Variants in NRXN3 observed in about 807,000 individuals in gnomAD.
NRXN3 encodes neurexin 3.
A neutral mutation model predicts 137.6 loss-of-function variants in NRXN3; 32 were observed. That is an observed-to-expected ratio of 0.23 (90% CI 0.18 to 0.31). NRXN3 has a LOEUF of 0.31. Ranked by LOEUF, NRXN3 falls within the 10% of genes least tolerant of loss-of-function variation. The pLI is 1.00. For missense variants in NRXN3, 1,574 were observed against 2,062.5 expected (o/e 0.76, Z 4.59); for synonymous variants, 798 against 784.5 (o/e 1.02, Z -0.29).
chr14:79,682,089 T>C (rs2154014191), intron 17 of NRXN3, among the ~76,000 whole-genome samples: 1 of 152,322 alleles, frequency 6.6e-6, no homozygotes, highest in Admixed American at 6.5e-5. Flanking sequence ...AATATTTTAT[T>C]TTCCTTTGCT....
intron 17 of NRXN3, among the ~76,000 whole-genome samples, chr14:79,670,001 G>A (rs951165264): frequency 6.6e-6 from 1 of 151,976 alleles, no homozygotes; most frequent in African/African-American, 2.4e-5. Context: ...TGTGGTAGCC[G>A]CCAACCATAT....
chr14:78,395,145 A>C (rs1245313970), intron 4 of NRXN3, among the ~76,000 whole-genome samples: 1 of 151,624 alleles, frequency 6.6e-6, no homozygotes, highest in Non-Finnish European at 1.5e-5. Flanking sequence ...TTAGATTATA[A>C]ATTTGACTTC....
chr14:78,998,109 GA>G (rs1448799154), intron 15 of NRXN3, among the ~76,000 whole-genome samples: 1 of 152,174 alleles, frequency 6.6e-6, no homozygotes, highest in East Asian at 1.9e-4. Flanking sequence ...CTCTATTTCA[GA>G]AACCACTGCT....
At chr14:78,263,703 G>T (rs774506190) in intron 2 of NRXN3, among the ~76,000 whole-genome samples, 4 of 151,958 alleles carry the variant, frequency 2.6e-5, no homozygotes, top group African/African-American at 9.7e-5. Context: ...TTACCGACAC[G>T]GCTTCTACTA....
intron 10 of NRXN3, among the ~76,000 whole-genome samples, chr14:78,906,811 T>A (rs772993352): frequency 2.6e-5 from 4 of 151,934 alleles, no homozygotes; most frequent in Non-Finnish European, 4.4e-5. Flanking sequence ...GGCTTACATA[T>A]AGCCATATGA....
chr14:78,917,052 T>C (rs2099257127), intron 10 of NRXN3, among the ~76,000 whole-genome samples: 1 of 152,182 alleles, frequency 6.6e-6, no homozygotes, highest in African/African-American at 2.4e-5. Context: ...TCTTCAAATA[T>C]GGTAAGCCTC....
intron 3 of NRXN3, among the ~76,000 whole-genome samples, chr14:78,279,886 G>A (rs540606085): frequency 4.8e-4 from 73 of 152,104 alleles, no homozygotes; most frequent in Non-Finnish European, 8.7e-4. Flanking sequence ...ACTTAAGTAG[G>A]GTTCTTCTGA....
intron 20 of NRXN3, among the ~76,000 whole-genome samples, chr14:79,834,155 C>T (rs549459638): frequency 3.3e-5 from 5 of 152,234 alleles, no homozygotes; most frequent in African/African-American, 7.2e-5. Context: ...ACAGGTCCCA[C>T]GGCTACCAAT....
rs541012777 is a variant in NRXN3, at chr14:78,727,742, A to G, written c.2044+12603A>G. Among the ~76,000 whole-genome samples the G allele has an allele frequency of 2.0e-5, 3 of 152,328 alleles. No individual in the cohort carries two copies. The East Asian group carries it at 5.8e-4, about 29-fold the overall frequency. Reference sequence around the variant, plus strand: ...AAGAGCGAAAACTCCGTCTCAAAAAAAAATGCTGTGGGCCCACTTCAGGTA... The same window carrying G: ...AAGAGCGAAAACTCCGTCTCAAAAAGAAATGCTGTGGGCCCACTTCAGGTA... On this transcript the variant is annotated intron_variant, in intron 8 of 20. Transcript: ENST00000335750.
intron 10 of NRXN3, among the ~76,000 whole-genome samples, chr14:78,845,084 T>A (rs77470765): frequency 0.061 from 9,255 of 152,094 alleles, 897 homozygotes; most frequent in African/African-American, 0.21. Flanking sequence ...GTTGCAATGA[T>A]CTTCATTGGC....
At chr14:78,678,915 G>A (rs1385346168) in intron 6 of NRXN3, among the ~76,000 whole-genome samples, 2 of 151,984 alleles carry the variant, frequency 1.3e-5, no homozygotes, top group Admixed American at 6.6e-5. Flanking sequence ...TTTAAATTTA[G>A]AACTGTTGTA....
Position 79,220,981 on chromosome 14 carries a change from C to T in NRXN3, c.3262+232840C>T, listed in dbSNP as rs1321008453. 2.0e-5 allele frequency among the ~76,000 whole-genome samples: 3 copies of T among 152,000 alleles called. No individual in the cohort carries two copies. The South Asian group carries it at 6.2e-4, about 32-fold the overall frequency. On this transcript the variant is annotated intron_variant, in intron 15 of 20. Transcript: ENST00000335750. ...ATGTGTTTTCATTGTTCACCTCCCA[C>T]TTACAAGTGAGAACATGCAGTGTTT...
At chr14:79,117,947 G>A (rs922108959) in intron 15 of NRXN3, among the ~76,000 whole-genome samples, 1 of 152,264 alleles carries the variant, frequency 6.6e-6, no homozygotes, top group African/African-American at 2.4e-5. Flanking sequence ...GCTTAGGGGA[G>A]TAGGGATATG....
chr14:78,401,615 G>T (rs987551049), intron 4 of NRXN3, among the ~76,000 whole-genome samples: 3 of 152,170 alleles, frequency 2.0e-5, no homozygotes, highest in Admixed American at 6.5e-5. Flanking sequence ...ACCACAATGA[G>T]TATTAAATTT....
At chr14:79,122,229 T>G (rs1396297831) in intron 15 of NRXN3, among the ~76,000 whole-genome samples, 1 of 152,156 alleles carries the variant, frequency 6.6e-6, no homozygotes, top group Non-Finnish European at 1.5e-5. Context: ...GGGCACTGGT[T>G]AAGGAAACAG....
intron 4 of NRXN3, among the ~76,000 whole-genome samples, chr14:78,616,601 TG>T (rs1395179336): frequency 2.0e-5 from 3 of 152,340 alleles, no homozygotes; most frequent in Non-Finnish European, 4.4e-5. Context: ...ACAAGCCCTA[TG>T]CAGCTTTGTT....
intron 4 of NRXN3, among the ~76,000 whole-genome samples, chr14:78,582,813 G>T (rs1454822632): frequency 6.6e-6 from 1 of 152,188 alleles, no homozygotes; most frequent in Non-Finnish European, 1.5e-5. Context: ...AATGCATGAT[G>T]TAGAAAGTAA....
At chr14:78,849,114 C>G (rs188445836) in intron 10 of NRXN3, among the ~76,000 whole-genome samples, 1 of 152,162 alleles carries the variant, frequency 6.6e-6, no homozygotes, top group East Asian at 1.9e-4. Context: ...CATTATGAAG[C>G]TAGAGACAGT....
chr14:78,976,156 T>C (rs887204079), intron 14 of NRXN3, among the ~76,000 whole-genome samples: 1 of 152,300 alleles, frequency 6.6e-6, no homozygotes, highest in Admixed American at 6.5e-5. Flanking sequence ...AATATTAAGA[T>C]TGACCTGTTT....
Sources: allele counts gnomAD v4.1 joint callset (sites outside exome capture counted in the v4.1 genomes callset), GRCh38; gene constraint gnomAD v4.1.1; transcripts MANE v1.5; gene names NCBI Gene and HGNC (gene_info 2026-07-23, HGNC 2026-07-21).